Variants in RETREG1 observed in about 807,000 individuals in gnomAD.
RETREG1 encodes family with sequence similarity 134 member B.
A neutral mutation model predicts 54.8 loss-of-function variants in RETREG1; 44 were observed. That is an observed-to-expected ratio of 0.80 (90% CI 0.63 to 1.03). The LOEUF (loss-of-function observed/expected upper bound fraction) is 1.03, where lower values mean the gene tolerates loss of function less well. Among genes scored for constraint, RETREG1 ranks in the 50% least tolerant of loss-of-function variants. The pLI is 0.00. For synonymous variants in RETREG1, 217 were observed against 238.5 expected, an observed-to-expected ratio of 0.91 and a Z score of 0.83; for missense variants, 554 against 605.1, an observed-to-expected ratio of 0.92 and a Z score of 0.89.
intron 3 of RETREG1, among the ~76,000 whole-genome samples, chr5:16,513,351 C>T (rs1307830328): frequency 6.6e-6 from 1 of 152,166 alleles, no homozygotes; most frequent in East Asian, 1.9e-4. Context: ...GTTACAGCAG[C>T]CACAGTGGGG....
intron 3 of RETREG1, among the ~76,000 whole-genome samples, chr5:16,555,652 C>T (rs1212568696): frequency 8.5e-5 from 13 of 152,124 alleles, no homozygotes. Flanking sequence ...GGGTATTCTT[C>T]TGTGTAGTTT....
At chr5:16,588,559 G>A (rs769601838) in intron 1 of RETREG1, among the ~76,000 whole-genome samples, 4 of 152,292 alleles carry the variant, frequency 2.6e-5, no homozygotes, top group African/African-American at 4.8e-5. Flanking sequence ...TTAACAAGCC[G>A]TGTGCTGTGC....
chr5:16,476,083 T>G (rs915353805), intron 8 of RETREG1, among the ~76,000 whole-genome samples: 1 of 152,200 alleles, frequency 6.6e-6, no homozygotes, highest in Non-Finnish European at 1.5e-5. Context: ...TTGTAGGTAC[T>G]GAAAGCTTGT....
At chr5:16,535,146 TTC>T (rs1282409764) in intron 3 of RETREG1, among the ~76,000 whole-genome samples, 1 of 152,242 alleles carries the variant, frequency 6.6e-6, no homozygotes, top group Non-Finnish European at 1.5e-5. Flanking sequence ...CTTTTTTTTC[TTC>T]TCTCTCTCAA....
chr5:16,482,409 C>T (rs1738814527), intron 4 of RETREG1, among the ~76,000 whole-genome samples: 1 of 150,926 alleles, frequency 6.6e-6, no homozygotes, highest in Admixed American at 6.6e-5. Flanking sequence ...GTAAAATCAA[C>T]ATCAACAGCA....
At chr5:16,535,653 G>A (rs1399321746) in intron 3 of RETREG1, among the ~76,000 whole-genome samples, 29 of 129,240 alleles carry the variant, frequency 2.2e-4, no homozygotes, top group Middle Eastern at 5.2e-3. Flanking sequence ...CTGTGTGCAC[G>A]CTGCCTTCAC....
At position 16,492,227 on chromosome 5, in the gene RETREG1, T is replaced by A. The variant is rs62369666; in HGVS notation, c.459-8755A>T. Among the ~76,000 whole-genome samples, 771 of 117,852 alleles carry A rather than the reference T, an allele frequency of 6.5e-3. 7 individuals carry two copies. Among genetic ancestry groups the A allele is most frequent in the African/African-American group, 0.019 (686 of 35,810 alleles). The allele number at this position is 117,852 out of a possible 152,430, so 77.3% of individuals were successfully genotyped here. On this transcript the variant is annotated intron_variant, in intron 3 of 8. Coordinates refer to ENST00000306320, the MANE Select transcript of RETREG1 (RefSeq NM_001034850.3). ...CTCTCTCTCTCTCTCTCTCTCTCTC[T>A]CTCACACACACACACACACACACAC...
intron 3 of RETREG1, among the ~76,000 whole-genome samples, chr5:16,496,008 G>A (rs1382880760): frequency 2.0e-5 from 3 of 151,830 alleles, no homozygotes; most frequent in Admixed American, 6.6e-5. Flanking sequence ...ATGATTTCTA[G>A]TTTTATTTAT....
intron 1 of RETREG1, among the ~76,000 whole-genome samples, chr5:16,606,119 T>C (rs770171622): frequency 3.3e-5 from 5 of 152,102 alleles, no homozygotes; most frequent in South Asian, 4.2e-4. Flanking sequence ...GGTGGTGCCA[T>C]GGAGACAGGA....
intron 2 of RETREG1, among the ~76,000 whole-genome samples, chr5:16,566,522 C>A (rs1445066791): frequency 6.6e-6 from 1 of 152,238 alleles, no homozygotes; most frequent in Non-Finnish European, 1.5e-5. Context: ...CATGAGGAAG[C>A]TTCCGCATTT....
At chr5:16,508,811 C>A in intron 3 of RETREG1, 2 of 1,445,324 alleles carry the variant, frequency 1.4e-6, no homozygotes, top group Non-Finnish European at 1.8e-6. Context: ...ACTTCCAAAG[C>A]GCCTGCCTCC....
rs150829575 is a variant in RETREG1 at position 16,599,794 on chromosome 5, T to C, written c.320+16858A>G. Among the ~76,000 whole-genome samples, 94 of 152,222 alleles carry C rather than the reference T, an allele frequency of 6.2e-4. 2 individuals carry two copies. The Middle Eastern group carries it at 0.01, about 17-fold the overall frequency. ...TCAAAAGTAAAAATACTGACAAAGA[T>C]ATGCATGCATGAGGCTAAAAGCAAG... On this transcript the variant is annotated intron_variant, in intron 1 of 8. Transcript: ENST00000306320.
intron 1 of RETREG1, among the ~76,000 whole-genome samples, chr5:16,613,029 A>G (rs1390355455): frequency 2.0e-5 from 3 of 152,168 alleles, no homozygotes; most frequent in African/African-American, 7.2e-5. Context: ...TGGTATCACA[A>G]TTTATAATAA....
chr5:16,479,435 G>A lies in RETREG1; in HGVS notation c.671-448C>T, dbSNP rs543031051. 2.2e-3 allele frequency among the ~76,000 whole-genome samples: 341 copies of A among 152,172 alleles called. 3 individuals are homozygous for A. Among genetic ancestry groups the A allele is most frequent in the Non-Finnish European group, 2.8e-3 (187 of 67,974 alleles). On this transcript the variant is annotated intron_variant, in intron 5 of 8. Transcript: ENST00000306320. ...TGTTTATTCAATGCCATTTCACCAT[G>A]GGAAAGTTATTAGCCTCTCATCAAT...
intron 3 of RETREG1, among the ~76,000 whole-genome samples, chr5:16,533,800 T>A (rs979476039): frequency 1.3e-5 from 2 of 152,172 alleles, no homozygotes; most frequent in Non-Finnish European, 2.9e-5. Context: ...GAAAGACCAG[T>A]AGAAGTACCT....
At chr5:16,562,241 G>C (rs1274055147) in intron 3 of RETREG1, among the ~76,000 whole-genome samples, 2 of 152,194 alleles carry the variant, frequency 1.3e-5, no homozygotes, top group Non-Finnish European at 2.9e-5. Context: ...CTTGAACCCA[G>C]GAGGCGGAGG....
rs114578180 is a variant in RETREG1 at position 16,534,658 on chromosome 5, G to T, written c.458+31105C>A. 5.7e-3 allele frequency among the ~76,000 whole-genome samples: 873 copies of T among 152,328 alleles called. 10 individuals carry two copies. The highest frequency in any genetic ancestry group is 0.02 in the African/African-American group (816 of 41,572). On this transcript the variant is annotated intron_variant, in intron 3 of 8. Transcript: ENST00000306320. ...ATTCACACTTCAATCCCAGCCAGCTGCCATGTTCCTTTTCTGAGTTTTCAC... is the reference window on the plus strand; with the variant it reads ...ATTCACACTTCAATCCCAGCCAGCTTCCATGTTCCTTTTCTGAGTTTTCAC...
intron 3 of RETREG1, among the ~76,000 whole-genome samples, chr5:16,526,187 A>C (rs893681286): frequency 1.3e-5 from 2 of 152,260 alleles, no homozygotes; most frequent in Non-Finnish European, 2.9e-5. Context: ...TGGGTATCAA[A>C]TGGCTCAGGG....
chr5:16,516,260 T>G (rs1740352796), intron 3 of RETREG1, among the ~76,000 whole-genome samples: 1 of 152,194 alleles, frequency 6.6e-6, no homozygotes, highest in Non-Finnish European at 1.5e-5. Context: ...GAGGTAGAGA[T>G]AGCTCAAGTC....
Sources: allele counts gnomAD v4.1 joint callset (sites outside exome capture counted in the v4.1 genomes callset), GRCh38; gene constraint gnomAD v4.1.1; transcripts MANE v1.5; gene names NCBI Gene and HGNC (gene_info 2026-07-23, HGNC 2026-07-21).